The following ZNF883 variants were observed in gnomAD, a reference collection of about 807,000 sequenced individuals.
ZNF883 encodes zinc finger protein 883.
At chr9:113,011,453 G>A (rs190479453) in intron 1 of ZNF883, among the ~76,000 whole-genome samples, 1 of 152,334 alleles carries the variant, frequency 6.6e-6, no homozygotes, top group East Asian at 1.9e-4. Context: ...CATGATGGGT[G>A]GCACCGAGTG....
downstream of ZNF883, among the ~76,000 whole-genome samples, chr9:112,992,815 G>A (rs1405808100): frequency 1.3e-5 from 2 of 152,000 alleles, no homozygotes; most frequent in Non-Finnish European, 2.9e-5. Flanking sequence ...TCTTATTTCA[G>A]CAAGATAGTC....
At chr9:113,010,343 G>C (rs1174533243) in intron 2 of ZNF883, among the ~76,000 whole-genome samples, 1 of 152,214 alleles carries the variant, frequency 6.6e-6, no homozygotes, top group African/African-American at 2.4e-5. Flanking sequence ...TGAGATGGGA[G>C]AATCTCCTGT....
At chr9:112,990,264 TCTTA>T (rs1415990365) in intron 1 of ZNF883, among the ~76,000 whole-genome samples, 2 of 152,094 alleles carry the variant, frequency 1.3e-5, no homozygotes, top group Non-Finnish European at 2.9e-5. Flanking sequence ...GTCATGTGGC[TCTTA>T]CTATTTTGAG....
downstream of ZNF883, among the ~76,000 whole-genome samples, chr9:112,993,045 C>G (rs1828316696): frequency 6.6e-6 from 1 of 152,164 alleles, no homozygotes; most frequent in African/African-American, 2.4e-5. Flanking sequence ...TTGTTATTAC[C>G]CACCTTCTGA....
downstream of ZNF883, among the ~76,000 whole-genome samples, chr9:112,994,081 T>C (rs2118602143): frequency 6.6e-6 from 1 of 152,168 alleles, no homozygotes; most frequent in South Asian, 2.1e-4. Flanking sequence ...CACAGCTCTG[T>C]GGTAGGCTCT....
At chr9:113,011,451 G>A (rs1377908735) in intron 1 of ZNF883, among the ~76,000 whole-genome samples, 2 of 152,182 alleles carry the variant, frequency 1.3e-5, no homozygotes, top group East Asian at 3.8e-4. Flanking sequence ...CCCATGATGG[G>A]TGGCACCGAG....
rs183583163 is a variant in ZNF883 at position 113,006,877 on chromosome 9, G to A, written n.165+4264C>T. Among the ~76,000 whole-genome samples the A allele has an allele frequency of 4.2e-5, 6 of 143,746 alleles. 1 individual carries two copies. Among genetic ancestry groups the A allele is most frequent in the African/African-American group, 1.6e-4 (6 of 37,560 alleles). 94.3% of individuals were successfully genotyped at this position (143,746 alleles called of 152,430 possible). On this transcript the variant is annotated intron_variant and non_coding_transcript_variant, in intron 2 of 4. Coordinates refer to the ZNF883 transcript ENST00000638622. ...TTGTGGCTAGATTTTATCTTTCTGAGCAAAGACTATGGTAATTTTTTAAAA... is the reference window on the plus strand; with the variant it reads ...TTGTGGCTAGATTTTATCTTTCTGAACAAAGACTATGGTAATTTTTTAAAA...
chr9:112,990,524 T>C (rs1828292662), intron 1 of ZNF883, among the ~76,000 whole-genome samples: 1 of 152,214 alleles, frequency 6.6e-6, no homozygotes, highest in African/African-American at 2.4e-5. Flanking sequence ...GCCAGTATTT[T>C]ATTGAAAATT....
downstream of ZNF883, among the ~76,000 whole-genome samples, chr9:112,993,865 A>G (rs1828324720): frequency 6.6e-6 from 1 of 152,210 alleles, no homozygotes; most frequent in South Asian, 2.1e-4. Context: ...GCTGTGGGCA[A>G]TTCCTCCTGG....
intron 2 of ZNF883, among the ~76,000 whole-genome samples, chr9:113,005,775 T>C (rs1828468668): frequency 6.6e-6 from 1 of 152,210 alleles, no homozygotes; most frequent in Non-Finnish European, 1.5e-5. Context: ...TCCTAGGCTA[T>C]TAGCTTCTTG....
At chr9:113,010,984 CAAAA>C (rs35069505) in intron 2 of ZNF883, among the ~76,000 whole-genome samples, 153 bp downstream of exon 2, 135 of 117,982 alleles carry the variant, frequency 1.1e-3, no homozygotes, top group Admixed American at 2.7e-3. Context: ...GACCTTGTCT[CAAAA>C]AAAAAAAAAA....
upstream of ZNF883, chr9:113,002,187 C>T (rs778977307): frequency 3.3e-5 from 5 of 152,062 alleles, no homozygotes; most frequent in African/African-American, 7.2e-5. Flanking sequence ...TTAAGTTGTT[C>T]GAAAAGGATT....
chr9:113,008,177 C>T (rs1828497038), intron 2 of ZNF883, among the ~76,000 whole-genome samples: 1 of 152,198 alleles, frequency 6.6e-6, no homozygotes, highest in African/African-American at 2.4e-5. Context: ...CTCATGTTTA[C>T]ACATGCAAAT....
chr9:112,993,154 G>C (rs1828317360), downstream of ZNF883, among the ~76,000 whole-genome samples: 1 of 152,172 alleles, frequency 6.6e-6, no homozygotes, highest in African/African-American at 2.4e-5. Context: ...AGGCACTCTG[G>C]CTTTTTGAGT....
intron 2 of ZNF883, among the ~76,000 whole-genome samples, chr9:113,003,717 G>C (rs2118620466): frequency 6.6e-6 from 1 of 152,186 alleles, no homozygotes; most frequent in East Asian, 1.9e-4. Flanking sequence ...CCCAGGAATA[G>C]AATAGTCAAA....
At chr9:112,991,604 T>A (rs952087938) in intron 1 of ZNF883, among the ~76,000 whole-genome samples, 1 of 152,182 alleles carries the variant, frequency 6.6e-6, no homozygotes, top group Admixed American at 6.6e-5. Flanking sequence ...TCAGGTCTGC[T>A]TGATCCAGAG....
chr9:113,010,419 T>C (rs1828521570), intron 2 of ZNF883, among the ~76,000 whole-genome samples: 1 of 152,254 alleles, frequency 6.6e-6, no homozygotes, highest in African/African-American at 2.4e-5. Context: ...GTTATTTTAA[T>C]GTTTAAAGAA....
exon 1 of ZNF883, chr9:112,997,924 A>G (rs1308635074): frequency 9.3e-6 from 15 of 1,613,698 alleles, no homozygotes; most frequent in Non-Finnish European, 1.3e-5. Flanking sequence ...CATGATTTCT[A>G]AGGGATGACC....
exon 1 of ZNF883, chr9:112,998,108 G>GT (rs757802859): frequency 6.2e-7 from 1 of 1,613,826 alleles, no homozygotes; most frequent in African/African-American, 1.3e-5. Flanking sequence ...ACTGTTCCGG[G>GT]TAAAGGACTT....
Sources: gnomAD v4.1 joint callset for allele counts (sites outside exome capture counted in the v4.1 genomes callset) on GRCh38, gnomAD v4.1.1 for gene constraint, MANE v1.5 for transcripts, NCBI Gene and HGNC (gene_info 2026-07-23, HGNC 2026-07-21) for gene names.